The following LRRC4C variants were observed in gnomAD, a reference collection of about 807,000 sequenced individuals.
The protein encoded by LRRC4C is leucine-rich repeat-containing protein 4C.
LRRC4C carries 5 observed loss-of-function variants against 33.6 expected under a neutral mutation model. That is an observed-to-expected ratio of 0.15 (90% CI 0.08 to 0.31). The LOEUF (loss-of-function observed/expected upper bound fraction) is 0.31. Ranked by LOEUF, LRRC4C falls within the 10% of genes least tolerant of loss-of-function variation. LRRC4C has a pLI of 1.00. For synonymous variants in LRRC4C, 329 were observed against 302.0 expected (o/e 1.09, Z -0.93); for missense variants, 560 against 796.7 (o/e 0.70, Z 3.58).
chr11:40,784,175 G>A (rs1950322889), intron 2 of LRRC4C, among the ~76,000 whole-genome samples: 1 of 151,970 alleles, frequency 6.6e-6, no homozygotes, highest in East Asian at 1.9e-4. Flanking sequence ...CCTTCAAAAT[G>A]TTTACCTTCA....
At chr11:40,230,940 A>G (rs563193421) in intron 5 of LRRC4C, among the ~76,000 whole-genome samples, 21 of 152,202 alleles carry the variant, frequency 1.4e-4, no homozygotes, top group Non-Finnish European at 2.5e-4. Flanking sequence ...CACAGTGTTC[A>G]TGCCATTTTA....
intron 1 of LRRC4C, among the ~76,000 whole-genome samples, chr11:41,060,876 G>A (rs992032329): frequency 5.3e-5 from 8 of 151,808 alleles, no homozygotes; most frequent in African/African-American, 1.7e-4. Flanking sequence ...ATCAATACCC[G>A]TAACTCAACC....
At chr11:40,701,529 C>T (rs1358138983) in intron 2 of LRRC4C, among the ~76,000 whole-genome samples, 1 of 151,344 alleles carries the variant, frequency 6.6e-6, no homozygotes, top group Non-Finnish European at 1.5e-5. Context: ...AACGTGTGGG[C>T]ATTTCCATGT....
intron 1 of LRRC4C, among the ~76,000 whole-genome samples, chr11:41,077,092 T>C (rs557186533): frequency 6.6e-6 from 1 of 152,328 alleles, no homozygotes; most frequent in Non-Finnish European, 1.5e-5. Context: ...CTTGTGCAGC[T>C]CTGCCCCTGT....
chr11:41,317,565 G>A (rs997857384), intron 1 of LRRC4C, among the ~76,000 whole-genome samples: 2 of 151,874 alleles, frequency 1.3e-5, no homozygotes, highest in African/African-American at 2.4e-5. Flanking sequence ...GAACTTCTGT[G>A]CACTTCTGTA....
intron 1 of LRRC4C, among the ~76,000 whole-genome samples, chr11:41,251,647 A>C (rs1333276251): frequency 6.6e-6 from 1 of 152,200 alleles, no homozygotes; most frequent in East Asian, 1.9e-4. Flanking sequence ...AGCCCGGACT[A>C]ATTTGGAGCC....
chr11:40,812,819 G>A (rs947613808), intron 2 of LRRC4C, among the ~76,000 whole-genome samples: 8 of 151,976 alleles, frequency 5.3e-5, no homozygotes, highest in South Asian at 2.1e-4. Context: ...AGAAACCTTC[G>A]GTTACCTATT....
intron 1 of LRRC4C, among the ~76,000 whole-genome samples, chr11:41,176,790 C>G (rs1021611884): frequency 6.6e-6 from 1 of 151,946 alleles, no homozygotes; most frequent in African/African-American, 2.4e-5. Context: ...TGGTGAAACC[C>G]TGTCTCTACT....
intron 4 of LRRC4C, among the ~76,000 whole-genome samples, chr11:40,291,329 A>T (rs1479203328): frequency 6.6e-6 from 1 of 152,124 alleles, no homozygotes; most frequent in Non-Finnish European, 1.5e-5. Context: ...CTGGCACATG[A>T]GAAGTATTAG....
rs79427876 is a variant in LRRC4C, at chr11:40,618,313, G to A, written c.-270+29829C>T. ...TGGAGGCAGAGACTGGAGTGATGAA[G>A]GTACTAGCCAAGAAATGACCAAGAT... On this transcript the variant is annotated intron_variant, in intron 3 of 6. Coordinates refer to ENST00000528697, the MANE Select transcript of LRRC4C (RefSeq NM_001258419.2). 7.1e-3 allele frequency among the ~76,000 whole-genome samples: 1,077 copies of A among 151,694 alleles called. 14 individuals carry two copies. Among genetic ancestry groups the A allele is most frequent in the African/African-American group, 0.024 (985 of 41,436 alleles).
intron 2 of LRRC4C, among the ~76,000 whole-genome samples, chr11:40,932,610 A>G (rs1370634574): frequency 2.0e-5 from 3 of 152,168 alleles, no homozygotes; most frequent in African/African-American, 7.2e-5. Flanking sequence ...GTTATAATTA[A>G]AATTTAATAT....
chr11:41,213,717 G>A (rs916209951), intron 1 of LRRC4C, among the ~76,000 whole-genome samples: 11 of 152,170 alleles, frequency 7.2e-5, no homozygotes, highest in African/African-American at 2.7e-4. Context: ...GGGTAAATAT[G>A]CACTTCCATA....
intron 2 of LRRC4C, among the ~76,000 whole-genome samples, chr11:40,864,166 T>C (rs1294168325): frequency 1.3e-5 from 2 of 152,166 alleles, no homozygotes; most frequent in African/African-American, 2.4e-5. Context: ...CCTCCCGGGC[T>C]CAAGTGATTC....
At chr11:40,710,298 C>T (rs4264139) in intron 2 of LRRC4C, among the ~76,000 whole-genome samples, 50,355 of 152,004 alleles carry the variant, frequency 0.33, 8,446 homozygotes, top group East Asian at 0.44. Flanking sequence ...TTCAGCTTTT[C>T]TTCTCTGGTT....
chr11:41,200,374 A>C (rs547346300), intron 1 of LRRC4C, among the ~76,000 whole-genome samples: 1 of 152,308 alleles, frequency 6.6e-6, no homozygotes, highest in African/African-American at 2.4e-5. Context: ...ACAGGTGTTC[A>C]AATCCTAGCA....
intron 1 of LRRC4C, among the ~76,000 whole-genome samples, chr11:40,982,866 C>G (rs1441116811): frequency 6.6e-6 from 1 of 152,092 alleles, no homozygotes; most frequent in African/African-American, 2.4e-5. Context: ...TTGTTCCCCT[C>G]TATATGTCTA....
At chr11:40,582,587 G>A (rs756944719) in intron 3 of LRRC4C, among the ~76,000 whole-genome samples, 20 of 148,064 alleles carry the variant, frequency 1.4e-4, no homozygotes, top group Non-Finnish European at 2.4e-4. Context: ...TTCAATCTTG[G>A]CTCACTGCAA....
chr11:41,160,181 A>G (rs1274248263), intron 1 of LRRC4C, among the ~76,000 whole-genome samples: 1 of 152,156 alleles, frequency 6.6e-6, no homozygotes, highest in Admixed American at 6.6e-5. Context: ...GTTGATAACA[A>G]TAACATATTC....
intron 2 of LRRC4C, among the ~76,000 whole-genome samples, chr11:40,751,720 A>G (rs965330599): frequency 1.3e-5 from 2 of 152,136 alleles, no homozygotes; most frequent in African/African-American, 4.8e-5. Context: ...CAAAATACCA[A>G]TGTTATTTTC....
Sources: gnomAD v4.1 joint callset for allele counts (sites outside exome capture counted in the v4.1 genomes callset) on GRCh38, gnomAD v4.1.1 for gene constraint, MANE v1.5 for transcripts, NCBI Gene and HGNC (gene_info 2026-07-23, HGNC 2026-07-21) for gene names.